DLGAP2: variants seen among roughly 807,000 people sequenced by gnomAD.
DLGAP2 encodes the protein DLG associated protein 2.
In DLGAP2, 26 loss-of-function variants were observed where a neutral mutation model predicts 100.3. The observed-to-expected ratio is 0.26, with a 90% CI of 0.19 to 0.36. DLGAP2 has a LOEUF of 0.36. Among genes scored for constraint, DLGAP2 ranks in the 10% least tolerant of loss-of-function variants. The pLI, the probability that DLGAP2 is intolerant of heterozygous loss-of-function variation, is 1.00. For synonymous variants in DLGAP2, 886 were observed against 630.1 expected (o/e 1.41, Z -6.08); for missense variants, 1,858 against 1,453.2 (o/e 1.28, Z -4.53).
intron 3 of DLGAP2, among the ~76,000 whole-genome samples, chr8:1,434,033 G>T (rs958808076): frequency 6.6e-6 from 1 of 152,276 alleles, no homozygotes; most frequent in African/African-American, 2.4e-5. Context: ...TGCCCTGCAA[G>T]AAAGTGTTTT....
chr8:1,123,549 A>G (rs939142625), intron 2 of DLGAP2, among the ~76,000 whole-genome samples: 3 of 152,216 alleles, frequency 2.0e-5, no homozygotes, highest in Non-Finnish European at 2.9e-5. Context: ...ACAGTGTCAG[A>G]TGTTTGGTCT....
At chr8:990,342 T>C (rs1800629789) in intron 2 of DLGAP2, among the ~76,000 whole-genome samples, 1 of 139,276 alleles carries the variant, frequency 7.2e-6, no homozygotes, top group Admixed American at 7.1e-5. Context: ...GGAGTTCCTG[T>C]TCTTCTCTCC....
rs1563134368 is a variant in DLGAP2, at chr8:1,417,730, C to CG, written c.107-83636_107-83635insG. Among the ~76,000 whole-genome samples, 36 of 11,472 alleles carry CG rather than the reference C, an allele frequency of 3.1e-3. 1 individual carries two copies. Among genetic ancestry groups the CG allele is most frequent in the African/African-American group, 7.2e-3 (24 of 3,356 alleles). 7.5% of individuals were successfully genotyped at this position (11,472 alleles called of 152,430 possible). The stretch of plus-strand genomic sequence containing the variant: ...GCCTCACTCGGCGAGGCTCCAGACA[C>CG]AGAAGCCCACGGAGACCTATGAACG... On this transcript the variant is annotated intron_variant, in intron 3 of 14. Coordinates refer to ENST00000637795, the MANE Select transcript of DLGAP2 (RefSeq NM_001346810.2).
intron 2 of DLGAP2, among the ~76,000 whole-genome samples, chr8:1,076,017 C>T (rs1803596711): frequency 6.6e-6 from 1 of 152,178 alleles, no homozygotes; most frequent in Non-Finnish European, 1.5e-5. Context: ...TTGGAAGATG[C>T]ATTTGAGGTG....
chr8:1,657,292 G>C (rs1412023643), intron 8 of DLGAP2, among the ~76,000 whole-genome samples: 1 of 152,054 alleles, frequency 6.6e-6, no homozygotes, highest in Admixed American at 6.5e-5. Context: ...ATTAAATTTT[G>C]AATTTTCAAA....
intron 12 of DLGAP2, chr8:1,688,376 C>T (rs1191474150): frequency 6.6e-6 from 1 of 152,234 alleles, no homozygotes; most frequent in Non-Finnish European, 1.5e-5. Context: ...AAGACAGAAA[C>T]AATGCCAAAG....
chr8:1,193,756 C>T (rs774910526), intron 2 of DLGAP2, among the ~76,000 whole-genome samples: 21 of 152,108 alleles, frequency 1.4e-4, no homozygotes, highest in South Asian at 1.3e-3. Flanking sequence ...TCCTGTGGAG[C>T]AGATCCCAGT....
intron 2 of DLGAP2, among the ~76,000 whole-genome samples, chr8:1,178,055 C>G (rs1302222582): frequency 6.6e-6 from 1 of 152,206 alleles, no homozygotes; most frequent in Non-Finnish European, 1.5e-5. Flanking sequence ...TGGTGCCTCT[C>G]AGCTCATGGG....
intron 2 of DLGAP2, among the ~76,000 whole-genome samples, chr8:1,213,356 C>T (rs574515550): frequency 3.6e-4 from 55 of 152,090 alleles, no homozygotes; most frequent in African/African-American, 1.2e-3. Context: ...TCATCAAATG[C>T]CTTTCCACTG....
chr8:1,358,921 C>T (rs551137713), intron 3 of DLGAP2, among the ~76,000 whole-genome samples: 16 of 152,208 alleles, frequency 1.1e-4, no homozygotes, highest in African/African-American at 3.6e-4. Context: ...GCAGAGGCCC[C>T]AAAGGGAGAG....
At chr8:993,622 C>A (rs1024705173) in intron 2 of DLGAP2, among the ~76,000 whole-genome samples, 4 of 152,030 alleles carry the variant, frequency 2.6e-5, no homozygotes, top group Admixed American at 6.6e-5. Context: ...GGTGTGTATC[C>A]TTTCTCCTGT....
chr8:879,092 AT>A (rs1181385413), intron 1 of DLGAP2, among the ~76,000 whole-genome samples: 2 of 152,142 alleles, frequency 1.3e-5, no homozygotes, highest in African/African-American at 4.8e-5. Context: ...TATGTTCTTT[AT>A]TTTTATTTTT....
intron 3 of DLGAP2, among the ~76,000 whole-genome samples, chr8:1,342,343 G>A (rs535500511): frequency 6.6e-6 from 1 of 152,104 alleles, no homozygotes; most frequent in African/African-American, 2.4e-5. Flanking sequence ...GCATTGCTGG[G>A]TCCCACAGAT....
chr8:1,423,947 T>C (rs1584885441), intron 3 of DLGAP2, among the ~76,000 whole-genome samples: 1 of 152,104 alleles, frequency 6.6e-6, no homozygotes, highest in Admixed American at 6.5e-5. Context: ...TGCTGAAAAA[T>C]AGATGTACTC....
chr8:917,436 C>G (rs569999130), intron 2 of DLGAP2, among the ~76,000 whole-genome samples: 6 of 152,244 alleles, frequency 3.9e-5, no homozygotes, highest in South Asian at 2.1e-4. Context: ...TGAAGTCTCC[C>G]TATAATCCCC....
chr8:1,655,877 G>T (rs529367185), intron 8 of DLGAP2, among the ~76,000 whole-genome samples: 67 of 152,352 alleles, frequency 4.4e-4, no homozygotes, highest in African/African-American at 1.5e-3. Context: ...CCTAGACAGC[G>T]CTGCCAGCAC....
chr8:1,675,539 T>A (rs138926139), intron 10 of DLGAP2, among the ~76,000 whole-genome samples: 1 of 152,342 alleles, frequency 6.6e-6, no homozygotes, highest in Non-Finnish European at 1.5e-5. Context: ...AACCTTAGGA[T>A]AGTCACAAAG....
intron 2 of DLGAP2, among the ~76,000 whole-genome samples, chr8:1,089,089 G>A (rs1299942344): frequency 1.5e-5 from 2 of 134,244 alleles, no homozygotes; most frequent in Non-Finnish European, 1.5e-5. Flanking sequence ...CGTCCAGCAG[G>A]CTATGCAATT....
chr8:899,897 C>A (rs1798216080), intron 1 of DLGAP2, among the ~76,000 whole-genome samples: 1 of 152,330 alleles, frequency 6.6e-6, no homozygotes, highest in Non-Finnish European at 1.5e-5. Context: ...GAGGGTGAGA[C>A]TGTGGGACGC....
Sources: gnomAD v4.1 joint callset for allele counts (sites outside exome capture counted in the v4.1 genomes callset) on GRCh38, gnomAD v4.1.1 for gene constraint, MANE v1.5 for transcripts, NCBI Gene and HGNC (gene_info 2026-07-23, HGNC 2026-07-21) for gene names.